Variants in CCDC180 observed in about 807,000 individuals in gnomAD.
The protein encoded by CCDC180 is coiled-coil domain-containing protein 180.
Under a neutral mutation model 209.2 loss-of-function variants are expected in CCDC180, and 154 were observed. The ratio of observed to expected loss-of-function variants is 0.74; its 90% CI spans 0.65 to 0.84. The LOEUF (loss-of-function observed/expected upper bound fraction) is 0.84, where lower values mean the gene tolerates loss of function less well. CCDC180 is among the 40% of genes least tolerant of loss of function. CCDC180 has a pLI of 0.00. For missense variants in CCDC180, 1,874 were observed against 1,997.3 expected (o/e 0.94, Z 1.18); for synonymous variants, 778 against 749.1 (o/e 1.04, Z -0.63).
Position 97,351,580 on chromosome 9 carries a change from C to T in CCDC180, c.3002+1025C>T, listed in dbSNP as rs1826421324. Among the ~76,000 whole-genome samples the T allele has an allele frequency of 2.6e-5, 4 of 152,138 alleles. No individual in the cohort carries two copies. In the South Asian group the frequency reaches 8.3e-4, roughly 31 times the overall value. ...TTTTAAAAATCACAAATCTTTTGAT[C>T]ATTAGAGCATAATCAAACACAGATT... On this transcript the variant is annotated intron_variant, in intron 22 of 36. Transcript: ENST00000529487.
chr9:97,370,600 G>A, intron 32 of CCDC180, 41 bp from the exon 33 acceptor site: 1 of 1,606,528 alleles, frequency 6.2e-7, no homozygotes. Flanking sequence ...GACTTTTGGT[G>A]GGTTAACATT....
chr9:97,376,741 C>T (rs1250057824), intron 36 of CCDC180, 22 bp from the exon 37 acceptor site: 1 of 1,609,064 alleles, frequency 6.2e-7, no homozygotes, highest in South Asian at 1.1e-5. Context: ...CATGTGGACC[C>T]CTCCTGCTAC....
intron 29 of CCDC180, 38 bp downstream of exon 29, chr9:97,364,166 C>T: frequency 6.2e-7 from 1 of 1,601,176 alleles, no homozygotes; most frequent in Non-Finnish European, 8.5e-7. Context: ...TGCATTTAAC[C>T]TGTTTTGGGT....
chr9:97,311,066 GT>G (rs1163836518), intron 3 of CCDC180, among the ~76,000 whole-genome samples: 1 of 152,202 alleles, frequency 6.6e-6, no homozygotes, highest in East Asian at 1.9e-4. Context: ...GGGTGCAGGT[GT>G]TTGAAGATTC....
At chr9:97,314,784 C>T in intron 7 of CCDC180, 56 bp downstream of exon 7, 1 of 1,597,896 alleles carries the variant, frequency 6.3e-7, no homozygotes, top group Non-Finnish European at 8.6e-7. Flanking sequence ...GTTTATTAGG[C>T]ATCCTTCTGT....
At chr9:97,320,414 C>T (rs541074984) in intron 11 of CCDC180, among the ~76,000 whole-genome samples, 1 of 152,162 alleles carries the variant, frequency 6.6e-6, no homozygotes, top group African/African-American at 2.4e-5. Flanking sequence ...ACACTAGCCG[C>T]ACCCTATGAC....
chr9:97,318,004 A>G (rs979572854), intron 9 of CCDC180, among the ~76,000 whole-genome samples: 3 of 152,216 alleles, frequency 2.0e-5, no homozygotes, highest in Admixed American at 2.0e-4. Flanking sequence ...CCCATGAGCC[A>G]AGCACAGTGC....
chr9:97,332,118 C>T (rs1014203823), intron 18 of CCDC180, among the ~76,000 whole-genome samples: 1 of 152,140 alleles, frequency 6.6e-6, no homozygotes, highest in Non-Finnish European at 1.5e-5. Flanking sequence ...CTGCATATGG[C>T]TACCCAGCAC....
Position 97,309,605 on chromosome 9 carries a change from G to T in CCDC180, c.260+1G>T, listed in dbSNP as rs2118509282. On this transcript the variant is annotated splice_donor_variant, in intron 3 of 36. Transcript: ENST00000529487. LOFTEE classifies it high-confidence loss of function. ...TCATGGAAAACCCTGTTCTCCACAG[G>T]TAGGTCCTGTTGTCCATGCCTCACC... The T allele has an allele frequency of 1.3e-6, 2 of 1,570,662 alleles. No individual in the cohort carries two copies. Among genetic ancestry groups the T allele is most frequent in the Non-Finnish European group, 1.7e-6 (2 of 1,161,648 alleles).
rs368833561 is a variant in CCDC180 at position 97,324,998 on chromosome 9, C to T, written c.1372-21C>T. On this transcript the variant is annotated intron_variant, in intron 13 of 36. Transcript: ENST00000529487. ...GGGACTGTCAGCCCTTAAGTCCCTT[C>T]TCTGGGCTCTGCCACTGCAGAAATC... 1.1e-5 allele frequency: 17 copies of T among 1,608,926 alleles called. No individual in the cohort carries two copies. The African/African-American group carries it at 2.0e-4, about 19-fold the overall frequency.
intron 19 of CCDC180, chr9:97,345,750 C>CAA: frequency 4.5e-6 from 1 of 222,268 alleles, no homozygotes; most frequent in South Asian, 5.4e-5. Flanking sequence ...AACTCCGTCT[C>CAA]AAAAAAAAAT....
intron 16 of CCDC180, 68 bp from the exon 17 acceptor site, chr9:97,330,086 A>AAG (rs2118682752): frequency 8.1e-7 from 1 of 1,227,112 alleles, no homozygotes; most frequent in South Asian, 1.3e-5. Context: ...AAAAAAAAAA[A>AAG]AAAGGTGGGG....
chr9:97,315,290 C>G (rs746905018), intron 8 of CCDC180, among the ~76,000 whole-genome samples: 6 of 152,176 alleles, frequency 3.9e-5, no homozygotes, highest in Non-Finnish European at 7.4e-5. Flanking sequence ...GCAATAGGCG[C>G]TACACTATGG....
At chr9:97,364,182 G>A (rs2117912839) in intron 29 of CCDC180, 54 bp downstream of exon 29, 3 of 1,555,234 alleles carry the variant, frequency 1.9e-6, no homozygotes, top group East Asian at 4.6e-5. Context: ...TGGGTTGCAG[G>A]GGCAGCAAAT....
intron 32 of CCDC180, 76 bp from the exon 33 acceptor site, chr9:97,370,565 T>G: frequency 1.3e-6 from 2 of 1,530,252 alleles, no homozygotes; most frequent in Non-Finnish European, 1.8e-6. Context: ...GCCATAATCA[T>G]AATTGACAGA....
chr9:97,330,522 C>T lies in CCDC180; in HGVS notation c.2029C>T (p.Pro677Ser). ...GGTGCTGGGGCAGCAGAAAAAATCT[C>T]CACTGCATGCTAAGATGGATGAGTC... ...EEVLGQQKKS[P>S]LHAKMDESKE... Residue 677 changes from proline (P) to serine (S), a missense_variant, in exon 18 of 37, where the codon CCA becomes TCA. Coordinates refer to ENST00000529487, the MANE Select transcript of CCDC180 (RefSeq NM_020893.6). 6.2e-7 allele frequency: 1 copy of T among 1,614,112 alleles called. No individual in the cohort carries two copies. Among genetic ancestry groups the T allele is most frequent in the East Asian group, 2.2e-5 (1 of 44,876 alleles).
At chr9:97,330,795 G>A (rs1825718872) in intron 18 of CCDC180, 28 bp downstream of exon 18, 1 of 1,569,892 alleles carries the variant, frequency 6.4e-7, no homozygotes, top group African/African-American at 1.4e-5. Context: ...TCATTCTTGG[G>A]CATAGAGAAA....
At position 97,325,102 on chromosome 9, in the gene CCDC180, G is replaced by A; in HGVS notation, c.1455G>A (p.Trp485Ter). ...ATTTCCAGGAGGTGGTACAACTGTG[G>A]GAGGCACACCAGAGCGAGCTGTTGG... The part of the protein sequence containing the change: ...FKYFQEVVQL[W>*]EAHQSELLVQ... Residue 485 changes from tryptophan to a stop codon, truncating the protein, a stop_gained, in exon 14 of 37, where the codon TGG (tryptophan) becomes TGA (stop). Coordinates refer to ENST00000529487, the MANE Select transcript of CCDC180 (RefSeq NM_020893.6). LOFTEE classifies it high-confidence loss of function. The A allele has an allele frequency of 6.2e-7, 1 of 1,613,956 alleles. No individual in the cohort carries two copies. The highest frequency in any genetic ancestry group is 8.5e-7 in the Non-Finnish European group (1 of 1,179,980).
chr9:97,329,542 A>T (rs1825664657), intron 16 of CCDC180, among the ~76,000 whole-genome samples: 1 of 152,242 alleles, frequency 6.6e-6, no homozygotes, highest in South Asian at 2.1e-4. Flanking sequence ...CTTTGTTTGC[A>T]TCCCTCAGTT....
Sources: allele counts gnomAD v4.1 joint callset (sites outside exome capture counted in the v4.1 genomes callset), GRCh38; gene constraint gnomAD v4.1.1; transcripts MANE v1.5; gene names NCBI Gene and HGNC (gene_info 2026-07-23, HGNC 2026-07-21).